MYL4: variants seen among roughly 807,000 people sequenced by gnomAD.
MYL4 encodes the protein atrial myosin light chain 1.
MYL4 carries 16 observed loss-of-function variants against 21.6 expected under a neutral mutation model. That is an observed-to-expected ratio of 0.74 (90% CI 0.50 to 1.12). The LOEUF (loss-of-function observed/expected upper bound fraction) is 1.12, where lower values mean the gene tolerates loss of function less well. Among genes scored for constraint, MYL4 ranks in the 50% most tolerant of loss-of-function variants. The pLI, the probability that MYL4 is intolerant of heterozygous loss-of-function variation, is 0.00. For missense variants in MYL4, 249 were observed against 252.9 expected, an observed-to-expected ratio of 0.98 and a Z score of 0.11; for synonymous variants, 82 against 95.7, an observed-to-expected ratio of 0.86 and a Z score of 0.83.
upstream of MYL4, among the ~76,000 whole-genome samples, chr17:47,196,121 G>A (rs868759108): frequency 4.6e-5 from 7 of 152,258 alleles, no homozygotes; most frequent in South Asian, 4.1e-4. Flanking sequence ...TTGGACATGG[G>A]GTCTCTAAGA....
chr17:47,189,473 T>A, the MYL4 span: 369 of 484,126 alleles, frequency 7.6e-4, no homozygotes, highest in Non-Finnish European at 1.2e-3. Context: ...ACCCAAAGCG[T>A]AGGTTTCTCT....
At position 47,221,756 on chromosome 17, in the gene MYL4, G is replaced by A; in HGVS notation, c.388G>A (p.Gly130Ser). ...GCACATTTCCCGCAACAAGGAGCAG[G>A]GCACCTATGAGGACTTCGTGGAGGG... ...LQHISRNKEQGTYEDFVEGLR... is the reference protein window; with the variant it reads ...LQHISRNKEQSTYEDFVEGLR... The change falls in exon 4 of 7, where the codon GGC becomes AGC. Residue 130 changes from glycine to serine, a missense_variant. Coordinates refer to ENST00000393450, the MANE Select transcript of MYL4 (RefSeq NM_002476.2). 6.2e-7 allele frequency: 1 copy of A among 1,614,162 alleles called. No homozygotes were observed. The highest frequency in any genetic ancestry group is 8.5e-7 in the Non-Finnish European group (1 of 1,180,014).
In MYL4 at chr17:47,223,053, T is replaced by A; in HGVS notation, c.*11T>A. 6.2e-7 allele frequency: 1 copy of A among 1,614,124 alleles called. No individual in the cohort carries two copies. The highest frequency in any genetic ancestry group is 1.1e-5 in the South Asian group (1 of 91,082). ...ATCATGTCAGGGTGAAGCAGAGTCT[T>A]CCAGGTGAGTGCAGCCTCTCCCTCC... On this transcript the variant is annotated 3_prime_UTR_variant, in exon 6 of 7. Coordinates refer to ENST00000393450, the MANE Select transcript of MYL4 (RefSeq NM_002476.2).
chr17:47,217,328 C>T (rs140977257), intron 2 of MYL4, among the ~76,000 whole-genome samples: 3,002 of 151,852 alleles, frequency 0.02, 47 homozygotes, highest in Middle Eastern at 0.085. Context: ...GGTGGTGGCA[C>T]GCACCTGTAA....
intron 1 of MYL4, chr17:47,209,810 A>G (rs2064760019): frequency 6.9e-6 from 4 of 582,950 alleles, no homozygotes; most frequent in Non-Finnish European, 9.1e-6. Flanking sequence ...AGATTTGTGC[A>G]GCTAAGTTGG....
intron 1 of MYL4, among the ~76,000 whole-genome samples, chr17:47,201,200 T>C (rs1479785934): frequency 1.3e-5 from 2 of 152,080 alleles, no homozygotes; most frequent in Non-Finnish European, 2.9e-5. Context: ...TAAAGTGTTG[T>C]GATAGCTAGT....
At chr17:47,202,444 GCATA>G (rs751904859) in intron 1 of MYL4, among the ~76,000 whole-genome samples, 2 of 152,172 alleles carry the variant, frequency 1.3e-5, no homozygotes, top group African/African-American at 4.8e-5. Context: ...GTTGTCCCAA[GCATA>G]CTTAAAAGTT....
chr17:47,215,522 G>T (rs2064807085), intron 2 of MYL4, among the ~76,000 whole-genome samples: 1 of 152,116 alleles, frequency 6.6e-6, no homozygotes. Flanking sequence ...TTGTCATCTT[G>T]GTTATGGTGG....
chr17:47,191,526 A>G, the MYL4 span, among the ~76,000 whole-genome samples: 1 of 152,054 alleles, frequency 6.6e-6, no homozygotes, highest in Non-Finnish European at 1.5e-5. Context: ...GCTGGAGTGT[A>G]ATGGCGCAAT....
downstream of MYL4, among the ~76,000 whole-genome samples, chr17:47,226,346 G>T (rs915154981): frequency 6.6e-6 from 1 of 152,184 alleles, no homozygotes; most frequent in South Asian, 2.1e-4. Context: ...AAAGGAAAAG[G>T]TGCCCCAAGG....
intron 1 of MYL4, among the ~76,000 whole-genome samples, chr17:47,212,446 G>C (rs2064783126): frequency 6.6e-6 from 1 of 152,244 alleles, no homozygotes; most frequent in Admixed American, 6.5e-5. Context: ...GAGACAGAGT[G>C]CACGTAAAGG....
At chr17:47,206,333 T>TG (rs1272464744), upstream of MYL4, among the ~76,000 whole-genome samples, 2 of 150,840 alleles carry the variant, frequency 1.3e-5, no homozygotes, top group African/African-American at 4.9e-5. Flanking sequence ...GGGAGTGGGG[T>TG]GGGGGAAAAA....
upstream of MYL4, among the ~76,000 whole-genome samples, chr17:47,206,322 G>A (rs58258153): frequency 1.8e-4 from 28 of 152,224 alleles, no homozygotes; most frequent in African/African-American, 6.3e-4. Context: ...AGAAAAGAAA[G>A]GGGAGTGGGG....
chr17:47,189,554 G>A, the MYL4 span: 1 of 326,766 alleles, frequency 3.1e-6, no homozygotes, highest in Non-Finnish European at 6.0e-6. Context: ...CGCCAAATCT[G>A]CAACCAGCAG....
At chr17:47,210,813 T>C (rs1399707080) in intron 1 of MYL4, among the ~76,000 whole-genome samples, 2 of 152,182 alleles carry the variant, frequency 1.3e-5, no homozygotes, top group Non-Finnish European at 1.5e-5. Context: ...CTGAGGCTAC[T>C]GTAGGACCCT....
chr17:47,219,611 C>A (rs1042930041), intron 2 of MYL4, among the ~76,000 whole-genome samples: 3 of 152,002 alleles, frequency 2.0e-5, no homozygotes, highest in African/African-American at 7.3e-5. Context: ...CGAGCTCAAG[C>A]GATTCTCGGG....
upstream of MYL4, among the ~76,000 whole-genome samples, chr17:47,204,769 T>C (rs2064721586): frequency 6.6e-6 from 1 of 151,376 alleles, no homozygotes; most frequent in South Asian, 2.1e-4. Flanking sequence ...AAGCCAGGAC[T>C]CTAAACCAGG....
At chr17:47,218,057 AC>A (rs370966708) in intron 2 of MYL4, among the ~76,000 whole-genome samples, 34 of 151,756 alleles carry the variant, frequency 2.2e-4, no homozygotes, top group African/African-American at 7.7e-4. Flanking sequence ...AAAAAAAAAA[AC>A]AAAAAACTAA....
the MYL4 span, among the ~76,000 whole-genome samples, chr17:47,194,029 C>T: frequency 1.6e-4 from 24 of 152,238 alleles, no homozygotes; most frequent in African/African-American, 3.6e-4. Flanking sequence ...GGATTACAGG[C>T]GTAAGCCACC....
Sources: gnomAD v4.1 joint callset for allele counts (sites outside exome capture counted in the v4.1 genomes callset) on GRCh38, gnomAD v4.1.1 for gene constraint, MANE v1.5 for transcripts, NCBI Gene and HGNC (gene_info 2026-07-23, HGNC 2026-07-21) for gene names.